Variants in LRRC9 observed in about 807,000 individuals in gnomAD.
LRRC9 encodes leucine-rich repeat-containing protein 9.
Under a neutral mutation model 63.2 loss-of-function variants are expected in LRRC9, and 122 were observed. That is an observed-to-expected ratio of 1.93 (90% CI 1.67 to 2.24). The LOEUF (loss-of-function observed/expected upper bound fraction) is 2.24, where lower values mean the gene tolerates loss of function less well. Ranked by LOEUF, LRRC9 falls within the 30% of genes most tolerant of loss-of-function variation. The probability of loss-of-function intolerance (pLI) is 0.00; values close to 1 mark genes in which losing one functional copy is unlikely to be tolerated. For missense variants in LRRC9, 1,071 were observed against 627.7 expected, an observed-to-expected ratio of 1.71 and a Z score of -7.55; for synonymous variants, 366 against 213.1, an observed-to-expected ratio of 1.72 and a Z score of -6.25.
chr14:60,062,749 A>G (rs147517349), intron 31 of LRRC9, among the ~76,000 whole-genome samples: 180 of 152,252 alleles, frequency 1.2e-3, no homozygotes, highest in African/African-American at 4.2e-3. Flanking sequence ...ATTCCCAAGT[A>G]TTACCTGTCC....
At chr14:59,933,424 G>A (rs147295708) in intron 6 of LRRC9, among the ~76,000 whole-genome samples, 164 of 152,126 alleles carry the variant, frequency 1.1e-3, no homozygotes, top group Admixed American at 2.6e-3. Context: ...CCAAATAAAG[G>A]GACTTAATGT....
intron 7 of LRRC9, among the ~76,000 whole-genome samples, chr14:59,939,018 TATATATACATATATACAC>T (rs1407682666): frequency 4.3e-5 from 5 of 116,186 alleles, no homozygotes; most frequent in African/African-American, 1.1e-4. Context: ...TATACACATA[TATATATACATATATACAC>T]ATATATACAT....
chr14:59,993,771 A>C (rs532596644), intron 17 of LRRC9, among the ~76,000 whole-genome samples: 68 of 152,334 alleles, frequency 4.5e-4, no homozygotes, highest in African/African-American at 1.4e-3. Context: ...AACTATCCTA[A>C]ATATATATGC....
Position 59,979,536 on chromosome 14 carries a change from C to T in LRRC9, c.1878+1404C>T, listed in dbSNP as rs191906725. Among the ~76,000 whole-genome samples the T allele has an allele frequency of 5.9e-5, 9 of 151,914 alleles. 1 individual carries two copies. In the East Asian group the frequency reaches 1.7e-3, roughly 30 times the overall value. ...CTGAGGCAGGAGAATGGCGTGAACC[C>T]GGGAGGCAGAGCTTGTAGTGAGTAG... On this transcript the variant is annotated intron_variant, in intron 15 of 31. Transcript: ENST00000445360.
At chr14:59,952,270 C>T (rs185012544) in intron 8 of LRRC9, among the ~76,000 whole-genome samples, 36 of 152,294 alleles carry the variant, frequency 2.4e-4, no homozygotes, top group African/African-American at 6.0e-4. Context: ...TTTCCAGGTG[C>T]GTCCGTCACG....
At chr14:60,001,327 C>G (rs565708755) in intron 19 of LRRC9, among the ~76,000 whole-genome samples, 1 of 151,980 alleles carries the variant, frequency 6.6e-6, no homozygotes, top group South Asian at 2.1e-4. Flanking sequence ...TTTATAATAG[C>G]AAAAACTGAA....
chr14:59,989,048 C>A (rs1887783102), intron 17 of LRRC9, among the ~76,000 whole-genome samples: 1 of 151,832 alleles, frequency 6.6e-6, no homozygotes, highest in African/African-American at 2.4e-5. Context: ...AAGTCACAAG[C>A]TTTTCTTCCT....
At chr14:59,989,369 A>C (rs1887813453) in intron 17 of LRRC9, among the ~76,000 whole-genome samples, 2 of 150,172 alleles carry the variant, frequency 1.3e-5, no homozygotes, top group Non-Finnish European at 3.0e-5. Context: ...TCTTATCTTA[A>C]ATTTTTTTCA....
chr14:60,041,407 A>T (rs1892930638), intron 29 of LRRC9, among the ~76,000 whole-genome samples: 1 of 152,220 alleles, frequency 6.6e-6, no homozygotes, highest in African/African-American at 2.4e-5. Context: ...AATCACACGT[A>T]GATATGGTCT....
At chr14:59,998,678 T>G (rs2140191569) in intron 18 of LRRC9, among the ~76,000 whole-genome samples, 1 of 152,150 alleles carries the variant, frequency 6.6e-6, no homozygotes, top group Middle Eastern at 3.4e-3. Context: ...TGAAGAATAT[T>G]TTTCTTTTGC....
chr14:60,043,258 C>T (rs1893109396), intron 29 of LRRC9, among the ~76,000 whole-genome samples: 1 of 152,128 alleles, frequency 6.6e-6, no homozygotes, highest in Admixed American at 6.6e-5. Context: ...TATTTTGCTC[C>T]TACCTTTTCA....
intron 3 of LRRC9, among the ~76,000 whole-genome samples, chr14:59,928,787 T>C (rs1889428715): frequency 6.6e-6 from 1 of 152,118 alleles, no homozygotes; most frequent in Admixed American, 6.6e-5. Flanking sequence ...TACAACTATC[T>C]GATCTTCGAC....
intron 13 of LRRC9, among the ~76,000 whole-genome samples, chr14:59,975,033 G>GAATATATA (rs1566832977): frequency 9.6e-5 from 2 of 20,744 alleles, no homozygotes; most frequent in Admixed American, 8.1e-4. Context: ...ATGTGTCACA[G>GAATATATA]CATATATATA....
chr14:59,929,981 C>T (rs987762575), intron 3 of LRRC9, among the ~76,000 whole-genome samples: 2 of 151,866 alleles, frequency 1.3e-5, no homozygotes, highest in Non-Finnish European at 2.9e-5. Flanking sequence ...ATGCTTAATA[C>T]GTGGGTGATA....
At chr14:59,992,253 T>G (rs1888223190) in intron 17 of LRRC9, among the ~76,000 whole-genome samples, 2 of 152,192 alleles carry the variant, frequency 1.3e-5, no homozygotes, top group African/African-American at 4.8e-5. Flanking sequence ...CTGAGGGTCC[T>G]GACTGTTAGA....
At chr14:60,064,728 T>TTA (rs1243585749), downstream of LRRC9, among the ~76,000 whole-genome samples, 1 of 152,200 alleles carries the variant, frequency 6.6e-6, no homozygotes, top group Non-Finnish European at 1.5e-5. Context: ...ACTGCTTTCA[T>TTA]TATAGTGTTG....
At chr14:60,006,939 C>T (rs891902648) in intron 22 of LRRC9, among the ~76,000 whole-genome samples, 1 of 152,112 alleles carries the variant, frequency 6.6e-6, no homozygotes, top group African/African-American at 2.4e-5. Flanking sequence ...ACCAGTGGCT[C>T]AAACTTGGTC....
chr14:60,006,736 TAAC>T (rs1389572765), intron 22 of LRRC9, 119 bp downstream of exon 22: 3 of 531,328 alleles, frequency 5.6e-6, no homozygotes, highest in East Asian at 3.1e-5. Flanking sequence ...AAAATAAGAA[TAAC>T]AAGTTTATTA....
rs74994983 is a variant in LRRC9, at chr14:59,985,808, T to C, written c.2211+584T>C. ...ATGTTACTTTCTCTAAAACAGGTCTTAGGTTGAACTTTTGTTAGCAGACCA... is the reference window on the plus strand; with the variant it reads ...ATGTTACTTTCTCTAAAACAGGTCTCAGGTTGAACTTTTGTTAGCAGACCA... On this transcript the variant is annotated intron_variant, in intron 17 of 31. Transcript: ENST00000445360. 2.3e-3 allele frequency among the ~76,000 whole-genome samples: 348 copies of C among 152,292 alleles called. 1 individual carries two copies. Among genetic ancestry groups the C allele is most frequent in the African/African-American group, 7.8e-3 (326 of 41,558 alleles).
Sources: gnomAD v4.1 joint callset for allele counts (sites outside exome capture counted in the v4.1 genomes callset) on GRCh38, gnomAD v4.1.1 for gene constraint, MANE v1.5 for transcripts, NCBI Gene and HGNC (gene_info 2026-07-23, HGNC 2026-07-21) for gene names.